The following FBLIM1 variants were observed in gnomAD, a reference collection of about 807,000 sequenced individuals.
FBLIM1 encodes the protein filamin-binding LIM protein 1.
A neutral mutation model predicts 37.4 loss-of-function variants in FBLIM1; 29 were observed. The ratio of observed to expected loss-of-function variants is 0.77; its 90% CI spans 0.58 to 1.06. The LOEUF (loss-of-function observed/expected upper bound fraction) is 1.06. FBLIM1 is among the 50% of genes least tolerant of loss of function. The probability of loss-of-function intolerance (pLI) is 0.00; values close to 1 mark genes in which losing one functional copy is unlikely to be tolerated. For missense variants in FBLIM1, 449 were observed against 505.6 expected (o/e 0.89, Z 1.07); for synonymous variants, 193 against 199.0 (o/e 0.97, Z 0.25).
intron 1 of FBLIM1, among the ~76,000 whole-genome samples, chr1:15,760,956 G>A (rs1221791188): frequency 2.0e-5 from 3 of 152,150 alleles, no homozygotes; most frequent in Non-Finnish European, 4.4e-5. Flanking sequence ...GGGATTGACA[G>A]GGCTTTGAAA....
chr1:15,774,512 A>C lies in FBLIM1; in HGVS notation c.712-106A>C. ...CAGGTTGTCTGCAGGCCTCTCCTGT[A>C]CTTCCCAGTTCCTGGGCCCCTGAGG... is the stretch of plus-strand genomic sequence containing the variant. On this transcript the variant is annotated intron_variant, in intron 6 of 8. Coordinates refer to ENST00000375766, the MANE Select transcript of FBLIM1 (RefSeq NM_017556.4). 4 of 1,443,532 alleles carry C rather than the reference A, an allele frequency of 2.8e-6. No individual in the cohort carries two copies. In the South Asian group the frequency reaches 4.1e-5, roughly 15 times the overall value. The allele number at this position is 1,443,532 out of a possible 1,614,324, so 89.4% of individuals were successfully genotyped here.
At position 15,765,004 on chromosome 1, in the gene FBLIM1, G is replaced by A. The variant is rs1233952864; in HGVS notation, c.21G>A (p.Lys7=). Residue 7 remains lysine (K), a synonymous_variant, in exon 3 of 9, where the codon AAG becomes AAA. Transcript: ENST00000375766. The surrounding 1 kb of genome is among the most constrained non-coding windows in gnomAD (Gnocchi z 5.9). ...AAGCCATGGCCTCAAAGCCTGAGAAGAGGGTGGCATCGTCTGTCTTTATCA... is the reference window on the plus strand; with the variant it reads ...AAGCCATGGCCTCAAAGCCTGAGAAAAGGGTGGCATCGTCTGTCTTTATCA... The part of the protein sequence containing the change: MASKPE[K]RVASSVFITL... 2.5e-6 allele frequency: 4 copies of A among 1,613,542 alleles called. No individual in the cohort carries two copies. The highest frequency in any genetic ancestry group is 1.3e-5 in the African/African-American group (1 of 74,940).
intron 6 of FBLIM1, 77 bp from the exon 7 acceptor site, chr1:15,774,541 G>T: frequency 6.5e-7 from 1 of 1,528,538 alleles, no homozygotes. Flanking sequence ...CCTGAGGGCA[G>T]CCTCTCAGAA....
upstream of FBLIM1, among the ~76,000 whole-genome samples, chr1:15,757,364 C>G (rs187070804): frequency 6.6e-6 from 1 of 152,156 alleles, no homozygotes; most frequent in South Asian, 2.1e-4. This position sits in a 1 kb window ranked among gnomAD's most constrained non-coding sequence, Gnocchi z 4.1. Context: ...TGTCCTTGAC[C>G]GTGAACAGGA....
intron 1 of FBLIM1, among the ~76,000 whole-genome samples, chr1:15,761,944 G>A (rs2068690219): frequency 6.6e-6 from 1 of 152,136 alleles, no homozygotes; most frequent in Admixed American, 6.6e-5. Context: ...TGTGCTCACT[G>A]GACTCCCAGC....
In FBLIM1 at chr1:15,765,010, G is replaced by A. The variant is rs1479891876; in HGVS notation, c.27G>A (p.Val9=). 3 of 1,613,748 alleles carry A rather than the reference G, an allele frequency of 1.9e-6. No homozygotes were observed. Among genetic ancestry groups the A allele is most frequent in the East Asian group, 2.2e-5 (1 of 44,872 alleles). ...TGGCCTCAAAGCCTGAGAAGAGGGT[G>A]GCATCGTCTGTCTTTATCACCCTGG... MASKPEKR[V]ASSVFITLAP... is the part of the protein sequence containing the mutation. The change falls in exon 3 of 9, where the codon GTG becomes GTA. Residue 9 remains valine (V), a synonymous_variant. Coordinates refer to ENST00000375766, the MANE Select transcript of FBLIM1 (RefSeq NM_017556.4). The surrounding 1 kb of genome is among the most constrained non-coding windows in gnomAD (Gnocchi z 5.9).
chr1:15,764,259 C>A (rs998523654), intron 1 of FBLIM1, among the ~76,000 whole-genome samples: 1 of 152,184 alleles, frequency 6.6e-6, no homozygotes, highest in Non-Finnish European at 1.5e-5. Context: ...CTCTGAGTCT[C>A]GATTTCTTGA....
intron 1 of FBLIM1, among the ~76,000 whole-genome samples, chr1:15,762,756 C>A (rs1444182131): frequency 6.6e-6 from 1 of 152,212 alleles, no homozygotes; most frequent in Non-Finnish European, 1.5e-5. Context: ...ACCGGTCAGA[C>A]GCATTGATAG....
chr1:15,774,623 A>C lies in FBLIM1; in HGVS notation c.717A>C (p.Thr239=). ...RPLCEPCYQD[T]LERCGKCGEV... ...GGCAGTGGCCTCTGTCCTAGGACAC[A>C]CTGGAGAGGTGCGGCAAGTGTGGCG... is the stretch of plus-strand genomic sequence containing the variant. Residue 239 remains threonine (T), a synonymous_variant, in exon 7 of 9, where the codon ACA becomes ACC. Transcript: ENST00000375766. 1 of 1,612,942 alleles carries C rather than the reference A, an allele frequency of 6.2e-7. No homozygotes were observed. Among genetic ancestry groups the C allele is most frequent in the Non-Finnish European group, 8.5e-7 (1 of 1,179,486 alleles).
intron 1 of FBLIM1, among the ~76,000 whole-genome samples, chr1:15,761,309 A>G (rs1569696292): frequency 1.3e-5 from 2 of 152,118 alleles, no homozygotes; most frequent in African/African-American, 4.8e-5. Context: ...ACACTTTTGG[A>G]TGATGTTCCA....
chr1:15,778,745 AT>A (rs1279390733), intron 8 of FBLIM1, among the ~76,000 whole-genome samples: 7 of 151,702 alleles, frequency 4.6e-5, no homozygotes, highest in Non-Finnish European at 8.8e-5. Flanking sequence ...AGTTCAAGCG[AT>A]TCCCCTGCCT....
chr1:15,756,988 G>C (rs1394705057), upstream of FBLIM1, among the ~76,000 whole-genome samples: 1 of 152,204 alleles, frequency 6.6e-6, no homozygotes, highest in Non-Finnish European at 1.5e-5. Flanking sequence ...ACAGCCAAAA[G>C]CGCCTGAAAA....
chr1:15,777,057 C>T lies in FBLIM1; in HGVS notation c.891-113C>T, dbSNP rs368786118. ...AGACATCTCTGCAGTCCCATAGCAA[C>T]GGGACTGAAATTGCTCAGGAGGTGA... On this transcript the variant is annotated intron_variant, in intron 7 of 8. Coordinates refer to ENST00000375766, the MANE Select transcript of FBLIM1 (RefSeq NM_017556.4). 114 of 759,460 alleles carry T rather than the reference C, an allele frequency of 1.5e-4. No individual in the cohort carries two copies. The South Asian group carries it at 1.7e-3, about 11-fold the overall frequency. The allele number at this position is 759,460 out of a possible 1,614,324, so 47.0% of individuals were successfully genotyped here. A position where few individuals can be genotyped will look rare whatever the true frequency, so the allele number is the denominator to read the frequency against.
intron 8 of FBLIM1, among the ~76,000 whole-genome samples, chr1:15,784,096 G>A (rs1027594416): frequency 1.2e-4 from 19 of 152,208 alleles, no homozygotes; most frequent in African/African-American, 3.9e-4. Flanking sequence ...CAGGAGAATC[G>A]CTTGAACCCG....
In FBLIM1 at chr1:15,786,587, C is replaced by G. The variant is rs982222142; in HGVS notation, c.*1926C>G. 6.6e-6 allele frequency: 1 copy of G among 152,270 alleles called. No individual in the cohort carries two copies. Among genetic ancestry groups the G allele is most frequent in the African/African-American group, 2.4e-5 (1 of 41,468 alleles). The allele number at this position is 152,270 out of a possible 1,614,324, so 9.4% of individuals were successfully genotyped here. The stretch of plus-strand genomic sequence containing the variant: ...AAAATAAATGCATAAGTGTTAGAAG[C>G]TCTTCCATGTTGTGTGTAGGCTCTC... On this transcript the variant is annotated 3_prime_UTR_variant, in exon 9 of 9. Transcript: ENST00000375766.
rs548365291 is a variant in FBLIM1 at position 15,764,654 on chromosome 1, C to T, written c.-52C>T. The stretch of plus-strand genomic sequence containing the variant: ...GGAGCTGAAGCATCTGTTCCTTCCT[C>T]GCGGGTGTGAGACAAGGAAGAGTGA... On this transcript the variant is annotated 5_prime_UTR_variant, in exon 2 of 9. Coordinates refer to ENST00000375766, the MANE Select transcript of FBLIM1 (RefSeq NM_017556.4). 3 of 303,174 alleles carry T rather than the reference C, an allele frequency of 9.9e-6. No homozygotes were observed. Among genetic ancestry groups the T allele is most frequent in the South Asian group, 7.7e-5 (1 of 12,938 alleles). The allele number at this position is 303,174 out of a possible 1,614,324, so 18.8% of individuals were successfully genotyped here. A position where few individuals can be genotyped will look rare whatever the true frequency, so the allele number is the denominator to read the frequency against.
At chr1:15,766,090 C>A (rs2148510652) in intron 3 of FBLIM1, among the ~76,000 whole-genome samples, 1 of 152,174 alleles carries the variant, frequency 6.6e-6, no homozygotes, top group Non-Finnish European at 1.5e-5. Context: ...TGCCGTGGAG[C>A]CTGAGAATTT....
chr1:15,781,537 A>T (rs976156677), intron 8 of FBLIM1, among the ~76,000 whole-genome samples: 19 of 49,252 alleles, frequency 3.9e-4, no homozygotes, highest in East Asian at 4.5e-3. Flanking sequence ...AAAAAAAAAA[A>T]AATAATGAGG....
rs1250504453 is a variant in FBLIM1, at chr1:15,764,953, T to G, written c.-20-11T>G. ...GTGGCAATCCTGTGCTGTACCCCAC[T>G]CTGTCCCTAGCCACACCAGGAGCTG... On this transcript the variant is annotated splice_polypyrimidine_tract_variant and intron_variant, in intron 2 of 8. Transcript: ENST00000375766. 3.1e-6 allele frequency: 5 copies of G among 1,597,134 alleles called. No individual in the cohort carries two copies. Among genetic ancestry groups the G allele is most frequent in the Non-Finnish European group, 4.3e-6 (5 of 1,171,880 alleles).
Sources: gnomAD v4.1 joint callset for allele counts (sites outside exome capture counted in the v4.1 genomes callset) on GRCh38, gnomAD v4.1.1 for gene constraint, Gnocchi (gnomAD v3.1) non-coding constraint, MANE v1.5 for transcripts, NCBI Gene and HGNC (gene_info 2026-07-23, HGNC 2026-07-21) for gene names.